ANKFN1: variants seen among roughly 807,000 people sequenced by gnomAD.
ANKFN1 encodes ankyrin repeat and fibronectin type III domain containing 1, also known as ankyrin repeat and fibronectin type-III domain-containing protein 1.
ANKFN1 carries 74 observed loss-of-function variants against 108.7 expected under a neutral mutation model. That is an observed-to-expected ratio of 0.68 (90% CI 0.56 to 0.83). The LOEUF (loss-of-function observed/expected upper bound fraction) is 0.83. Ranked by LOEUF, ANKFN1 falls within the 40% of genes least tolerant of loss-of-function variation. ANKFN1 has a pLI of 0.00. For missense variants in ANKFN1, 1,505 were observed against 1,382.3 expected, an observed-to-expected ratio of 1.09 and a Z score of -1.41; for synonymous variants, 547 against 516.2, an observed-to-expected ratio of 1.06 and a Z score of -0.81.
At chr17:56,248,345 T>C (rs1567862362) in intron 3 of ANKFN1, among the ~76,000 whole-genome samples, 1 of 152,216 alleles carries the variant, frequency 6.6e-6, no homozygotes, top group Non-Finnish European at 1.5e-5. Flanking sequence ...TGTGTCCCTC[T>C]ACTACCAAAT....
chr17:56,437,320 A>G (rs2048960985), intron 8 of ANKFN1, among the ~76,000 whole-genome samples: 1 of 152,198 alleles, frequency 6.6e-6, no homozygotes, highest in East Asian at 1.9e-4. Context: ...TAAAGATCGT[A>G]TCTCTGAAAA....
At chr17:56,249,025 G>T (rs958573688) in intron 3 of ANKFN1, among the ~76,000 whole-genome samples, 2 of 152,148 alleles carry the variant, frequency 1.3e-5, no homozygotes, top group African/African-American at 4.8e-5. Flanking sequence ...TTAGAATAGC[G>T]CTGAAAAATT....
chr17:56,440,891 A>G (rs2049081098), intron 9 of ANKFN1, among the ~76,000 whole-genome samples: 1 of 152,182 alleles, frequency 6.6e-6, no homozygotes, highest in African/African-American at 2.4e-5. Context: ...TTAAAAAAAA[A>G]AAACGAAGTC....
intron 8 of ANKFN1, among the ~76,000 whole-genome samples, chr17:56,431,814 G>A (rs2048766039): frequency 6.6e-6 from 1 of 152,230 alleles, no homozygotes; most frequent in Non-Finnish European, 1.5e-5. Context: ...ATGCCCAACA[G>A]GACTCAGAAA....
At chr17:56,368,276 C>CTTTTTTTTTTTAT (rs2046714267) in intron 6 of ANKFN1, 1 of 65,416 alleles carries the variant, frequency 1.5e-5, no homozygotes, top group East Asian at 7.6e-4. Context: ...TGAAAATGAA[C>CTTTTTTTTTTTAT]TTTTTTTTTT....
At chr17:56,370,717 C>T (rs1017022611) in intron 6 of ANKFN1, among the ~76,000 whole-genome samples, 3 of 152,108 alleles carry the variant, frequency 2.0e-5, no homozygotes, top group East Asian at 1.9e-4. Context: ...CAAATGTATA[C>T]GAATTTGTTT....
intron 1 of ANKFN1, among the ~76,000 whole-genome samples, chr17:56,189,170 C>CATTTTTTTTTTT (rs1555607722): frequency 0.032 from 2,732 of 84,932 alleles, 93 homozygotes; most frequent in Middle Eastern, 0.04. Flanking sequence ...GTTGCCCTGA[C>CATTTTTTTTTTT]TTTTTTTTTT....
At chr17:56,234,544 T>G (rs1006954926) in intron 3 of ANKFN1, among the ~76,000 whole-genome samples, 19 of 152,114 alleles carry the variant, frequency 1.2e-4, no homozygotes, top group Non-Finnish European at 2.5e-4. Flanking sequence ...GTTGTTCCCC[T>G]CTTTGTGTCC....
Position 56,510,495 on chromosome 17 carries a change from A to G in ANKFN1, c.2667A>G (p.Glu889=). The part of the protein sequence containing the change: ...TVSDSQPCSD[E]EACSEVFLPT... ...CAGATTCACAGCCCTGCTCTGATGA[A>G]GAAGCCTGCTCAGAAGTCTTCCTCC... Residue 889 remains glutamate, a synonymous_variant, in exon 21 of 21, where the codon GAA becomes GAG. Transcript: ENST00000682825. The G allele has an allele frequency of 6.5e-7, 1 of 1,536,128 alleles. No homozygotes were observed. Among genetic ancestry groups the G allele is most frequent in the Non-Finnish European group, 8.7e-7 (1 of 1,146,898 alleles).
At chr17:56,161,237 G>A (rs974544527) in intron 1 of ANKFN1, among the ~76,000 whole-genome samples, 3 of 152,120 alleles carry the variant, frequency 2.0e-5, no homozygotes, top group African/African-American at 4.8e-5. Flanking sequence ...AAATTCTATC[G>A]TGGTAGTATC....
intron 4 of ANKFN1, among the ~76,000 whole-genome samples, chr17:56,106,506 G>A (rs2217507): frequency 0.54 from 82,069 of 152,030 alleles, 22,442 homozygotes; most frequent in East Asian, 0.81. Flanking sequence ...TAGGCTTTGC[G>A]GATTGATTTC....
chr17:56,244,328 T>TC (rs1030071563), intron 3 of ANKFN1, among the ~76,000 whole-genome samples: 4 of 152,118 alleles, frequency 2.6e-5, no homozygotes, highest in Admixed American at 6.6e-5. Flanking sequence ...TAGGGCAGAA[T>TC]AGCTGTAAGG....
At position 56,513,489 on chromosome 17, in the gene ANKFN1, G is replaced by A. The variant is rs539370707; in HGVS notation, c.*2220G>A. On this transcript the variant is annotated 3_prime_UTR_variant, in exon 21 of 21. Transcript: ENST00000682825. Reference sequence around the variant, plus strand: ...TAAAATGGATTACTTTGTTCAATGAGTTTGTGAGATGAGATTCTAGGATTG... The same window carrying A: ...TAAAATGGATTACTTTGTTCAATGAATTTGTGAGATGAGATTCTAGGATTG... Among the ~76,000 whole-genome samples, 3 of 152,278 alleles carry A rather than the reference G, an allele frequency of 2.0e-5. No homozygotes were observed. In the East Asian group the frequency reaches 5.8e-4, roughly 29 times the overall value.
chr17:56,238,717 T>C (rs1276662699), intron 3 of ANKFN1, among the ~76,000 whole-genome samples: 1 of 152,026 alleles, frequency 6.6e-6, no homozygotes, highest in Non-Finnish European at 1.5e-5. Context: ...ATACCATGAG[T>C]CCCTTGTATT....
At chr17:56,453,326 A>C (rs1481555630) in intron 11 of ANKFN1, among the ~76,000 whole-genome samples, 3 of 152,084 alleles carry the variant, frequency 2.0e-5, no homozygotes, top group African/African-American at 7.2e-5. Context: ...AAATTATATG[A>C]TTATTTTCCT....
intron 4 of ANKFN1, among the ~76,000 whole-genome samples, chr17:56,086,810 T>G (rs1434231157): frequency 6.6e-6 from 1 of 151,362 alleles, no homozygotes; most frequent in Admixed American, 6.6e-5. Context: ...AGGTTCACAC[T>G]ACTCCTGAAA....
At chr17:56,401,088 A>G (rs1369540292) in intron 8 of ANKFN1, among the ~76,000 whole-genome samples, 5 of 152,148 alleles carry the variant, frequency 3.3e-5, no homozygotes, top group East Asian at 3.8e-4. Flanking sequence ...TTGGTTCCAC[A>G]TGAATTTTAT....
chr17:56,214,272 G>A (rs182609995), intron 2 of ANKFN1, among the ~76,000 whole-genome samples: 127 of 152,254 alleles, frequency 8.3e-4, no homozygotes, highest in African/African-American at 2.8e-3. Flanking sequence ...CCAAATGTGC[G>A]TTAATAAGAA....
chr17:56,121,235 G>A (rs940718669), intron 4 of ANKFN1, among the ~76,000 whole-genome samples: 3 of 151,228 alleles, frequency 2.0e-5, no homozygotes. Context: ...TCGCCCAGGA[G>A]TTGTTCTTGC....
Sources: allele counts gnomAD v4.1 joint callset (sites outside exome capture counted in the v4.1 genomes callset), GRCh38; gene constraint gnomAD v4.1.1; transcripts MANE v1.5; gene names NCBI Gene and HGNC (gene_info 2026-07-23, HGNC 2026-07-21).